Variants in NFATC2 observed in about 807,000 individuals in gnomAD.
The protein encoded by NFATC2 is nuclear factor of activated T-cells, cytoplasmic 2.
Under a neutral mutation model 87.3 loss-of-function variants are expected in NFATC2, and 22 were observed. The ratio of observed to expected loss-of-function variants is 0.25; its 90% CI spans 0.18 to 0.36. NFATC2 has a LOEUF of 0.36. Ranked by LOEUF, NFATC2 falls within the 10% of genes least tolerant of loss-of-function variation. NFATC2 has a pLI of 1.00. For missense variants in NFATC2, 1,149 were observed against 1,259.1 expected (o/e 0.91, Z 1.32); for synonymous variants, 565 against 542.2 (o/e 1.04, Z -0.58).
chr20:51,397,084 G>A (rs996929663), intron 10 of NFATC2, among the ~76,000 whole-genome samples: 2 of 151,504 alleles, frequency 1.3e-5, no homozygotes, highest in African/African-American at 2.4e-5. Flanking sequence ...GTAGTGACGG[G>A]GTTTCACCAT....
At chr20:51,398,983 C>G (rs1020447824) in intron 9 of NFATC2, 1 of 411,428 alleles carries the variant, frequency 2.4e-6, no homozygotes, top group African/African-American at 2.0e-5. Context: ...ATCAGGGGAG[C>G]GTGTTCAGGG....
chr20:51,470,239 A>T (rs999450680), intron 5 of NFATC2, among the ~76,000 whole-genome samples: 7 of 152,146 alleles, frequency 4.6e-5, no homozygotes, highest in Admixed American at 3.9e-4. Flanking sequence ...GGCAGCATTC[A>T]GAGGCTGGGA....
Position 51,523,266 on chromosome 20 carries a change from G to A in NFATC2, c.975C>T (p.Thr325=). ...PCGIPPKMWK[T]SPDPSPVSAA... The stretch of plus-strand genomic sequence containing the variant: ...CAGACACCGGCGAGGGGTCAGGGCT[G>A]GTCTTCCACATCTTGGGGGGGATCC... The change falls in exon 2 of 11, where the codon ACC becomes ACT. Residue 325 remains threonine, a synonymous_variant. Coordinates refer to ENST00000371564, the MANE Select transcript of NFATC2 (RefSeq NM_012340.5). The surrounding 1 kb of genome is among the most constrained non-coding windows in gnomAD (Gnocchi z 6.9). 1 of 1,613,804 alleles carries A rather than the reference G, an allele frequency of 6.2e-7. No individual in the cohort carries two copies. The highest frequency in any genetic ancestry group is 8.5e-7 in the Non-Finnish European group (1 of 1,179,822).
chr20:51,523,926 C>A lies in NFATC2; in HGVS notation c.315G>T (p.Gly105=). ...QKFLSAAKPA[G]ASGLSPRIEI... is the part of the protein sequence containing the mutation. ...CGATCCGAGGGCTCAGGCCCGAGGCCCCTGCTGGCTTGGCCGCGCTCAGAA... is the reference window on the plus strand; with the variant it reads ...CGATCCGAGGGCTCAGGCCCGAGGCACCTGCTGGCTTGGCCGCGCTCAGAA... The change falls in exon 2 of 11, where the codon GGG becomes GGT. Residue 105 remains glycine (G), a synonymous_variant. Transcript: ENST00000371564. This position sits in a 1 kb window ranked among gnomAD's most constrained non-coding sequence, Gnocchi z 6.9. 1 of 1,602,270 alleles carries A rather than the reference C, an allele frequency of 6.2e-7. No homozygotes were observed. The highest frequency in any genetic ancestry group is 1.1e-5 in the South Asian group (1 of 89,432).
At chr20:51,397,916 C>CTTCCTTCCTCAATGTCTCAT (rs1987431550) in intron 10 of NFATC2, among the ~76,000 whole-genome samples, 3 of 152,180 alleles carry the variant, frequency 2.0e-5, no homozygotes, top group Admixed American at 2.0e-4. Flanking sequence ...GTAATGCAAC[C>CTTCCTTCCTCAATGTCTCAT]TTCCTTCCTC....
intron 10 of NFATC2, among the ~76,000 whole-genome samples, chr20:51,398,107 A>G (rs1987470375): frequency 6.6e-6 from 1 of 151,842 alleles, no homozygotes; most frequent in African/African-American, 2.4e-5. Flanking sequence ...ACCAAGTAGC[A>G]GAATCCTGCG....
At chr20:51,417,990 G>A (rs758554979) in intron 9 of NFATC2, among the ~76,000 whole-genome samples, 14 of 152,278 alleles carry the variant, frequency 9.2e-5, no homozygotes, top group South Asian at 4.1e-4. Context: ...CACATGCCTC[G>A]CCCAAGGCCA....
At position 51,432,673 on chromosome 20, in the gene NFATC2, G is replaced by C. The variant is rs1323555506; in HGVS notation, c.2116C>G (p.Pro706Ala). Residue 706 changes from proline (P) to alanine (A), a missense_variant, in exon 9 of 11, where the codon CCT becomes GCT. Pro to Ala is a conservative substitution (Grantham distance 27, BLOSUM62 -1). This residue lies in a region of NFATC2 where 581 missense variants were observed against 649.7 expected (regional missense o/e 0.89). Transcript: ENST00000371564. This position sits in a 1 kb window ranked among gnomAD's most constrained non-coding sequence, Gnocchi z 4.6. ...SPTHGGLGSQ[P>A]YYPQHPMVAE... ...ACCATCGGGTGCTGGGGGTAGTAAGGCTGGCTCCCCAGGCCTCCATGGGTG... is the reference window on the plus strand; with the variant it reads ...ACCATCGGGTGCTGGGGGTAGTAAGCCTGGCTCCCCAGGCCTCCATGGGTG... 14 of 1,568,670 alleles carry C rather than the reference G, an allele frequency of 8.9e-6. No individual in the cohort carries two copies. Among genetic ancestry groups the C allele is most frequent in the Non-Finnish European group, 1.2e-5 (14 of 1,164,358 alleles).
chr20:51,521,295 CT>C (rs1235393601), intron 2 of NFATC2, among the ~76,000 whole-genome samples: 1 of 152,186 alleles, frequency 6.6e-6, no homozygotes, highest in Non-Finnish European at 1.5e-5. Context: ...AGAGCTCTAC[CT>C]TTATCTATTT....
chr20:51,418,950 CA>C (rs1980460057), intron 9 of NFATC2, among the ~76,000 whole-genome samples: 2 of 147,040 alleles, frequency 1.4e-5, no homozygotes, highest in African/African-American at 5.5e-5. Flanking sequence ...AGGCGTGAGC[CA>C]CCCCCACCGC....
At position 51,480,289 on chromosome 20, in the gene NFATC2, A is replaced by AAAT. The variant is rs1555803767; in HGVS notation, c.1333-4630_1333-4629insATT. ...GGTCACAAAGCAAGACTCTGTCTCA[A>AAAT]AAAAAATAGAATGTGCTTCCTGCCG... On this transcript the variant is annotated intron_variant, in intron 3 of 10. Transcript: ENST00000371564. The surrounding 1 kb of genome is among the most constrained non-coding windows in gnomAD (Gnocchi z 4.2). 5.3e-5 allele frequency among the ~76,000 whole-genome samples: 8 copies of AAAT among 151,578 alleles called. No homozygotes were observed. The highest frequency in any genetic ancestry group is 1.9e-4 in the East Asian group (1 of 5,176).
chr20:51,516,556 A>G (rs2076354396), intron 3 of NFATC2, among the ~76,000 whole-genome samples: 1 of 152,248 alleles, frequency 6.6e-6, no homozygotes, highest in Non-Finnish European at 1.5e-5. Flanking sequence ...ATCCGGGCAC[A>G]TGAATATCAT....
Position 51,448,870 on chromosome 20 carries a change from AATAAT to A in NFATC2, c.1849+5673_1849+5677del, listed in dbSNP as rs549937690. 2.6e-4 allele frequency among the ~76,000 whole-genome samples: 39 copies of A among 152,310 alleles called. 2 individuals carry two copies. The South Asian group carries it at 7.7e-3, about 30-fold the overall frequency. On this transcript the variant is annotated intron_variant, in intron 6 of 10. Transcript: ENST00000371564. ...AAAAATAATCAAAAATAGTAATACA[AATAAT>A]ATAATAATCATTATTATTATTGCTG...
intron 6 of NFATC2, among the ~76,000 whole-genome samples, chr20:51,443,410 G>A (rs6096433): frequency 1.4e-3 from 214 of 152,308 alleles, no homozygotes; most frequent in African/African-American, 4.6e-3. Flanking sequence ...ATCCTCCAGT[G>A]TGCACCCTAC....
Position 51,524,977 on chromosome 20 carries a change from C to T in NFATC2, c.131-867G>A, listed in dbSNP as rs958809810. ...GCTCACACCTGGAATCCCGGCACTTCGGGAGGCTGAGGCGGGCAGATCACT... is the reference window on the plus strand; with the variant it reads ...GCTCACACCTGGAATCCCGGCACTTTGGGAGGCTGAGGCGGGCAGATCACT... On this transcript the variant is annotated intron_variant, in intron 1 of 10. Coordinates refer to ENST00000371564, the MANE Select transcript of NFATC2 (RefSeq NM_012340.5). This position sits in a 1 kb window ranked among gnomAD's most constrained non-coding sequence, Gnocchi z 4.0. Among the ~76,000 whole-genome samples, 1 of 152,028 alleles carries T rather than the reference C, an allele frequency of 6.6e-6. No individual in the cohort carries two copies. Among genetic ancestry groups the T allele is most frequent in the Non-Finnish European group, 1.5e-5 (1 of 68,004 alleles).
In NFATC2 at chr20:51,388,982, C is replaced by T. The variant is rs1986053915; in HGVS notation, c.*2514G>A. 6.6e-6 allele frequency: 1 copy of T among 152,236 alleles called. No individual in the cohort carries two copies. Among genetic ancestry groups the T allele is most frequent in the Admixed American group, 6.5e-5 (1 of 15,282 alleles). 9.4% of individuals were successfully genotyped at this position (152,236 alleles called of 1,614,324 possible). On this transcript the variant is annotated 3_prime_UTR_variant, in exon 11 of 11. Coordinates refer to ENST00000371564, the MANE Select transcript of NFATC2 (RefSeq NM_012340.5). The stretch of plus-strand genomic sequence containing the variant: ...CTCCTAGCATTTGTAACTGACAAAA[C>T]TTCCTTGATAGCTGTCAGTTCCTAA...
Position 51,483,299 on chromosome 20 carries a change from C to T in NFATC2, c.1333-7639G>A, listed in dbSNP as rs147464394. ...GTGAGACTGATTTTCAAAATGGCAA[C>T]GGGCCAAACAGTTTTGAATTTTACT... On this transcript the variant is annotated intron_variant, in intron 3 of 10. Coordinates refer to ENST00000371564, the MANE Select transcript of NFATC2 (RefSeq NM_012340.5). Among the ~76,000 whole-genome samples, 12 of 152,184 alleles carry T rather than the reference C, an allele frequency of 7.9e-5. No individual in the cohort carries two copies. In the East Asian group the frequency reaches 1.9e-3, roughly 25 times the overall value.
chr20:51,412,557 C>T (rs960972741), intron 9 of NFATC2, among the ~76,000 whole-genome samples: 14 of 152,290 alleles, frequency 9.2e-5, no homozygotes, highest in Middle Eastern at 3.4e-3. Context: ...CCCCCAGAAA[C>T]AGCCTGTAAC....
At position 51,394,597 on chromosome 20, in the gene NFATC2, C is replaced by CCCCATAT. The variant is rs572435733; in HGVS notation, c.*45-3153_*45-3147dup. Among the ~76,000 whole-genome samples, 364 of 152,256 alleles carry CCCCATAT rather than the reference C, an allele frequency of 2.4e-3. 1 individual carries two copies. Among genetic ancestry groups the CCCCATAT allele is most frequent in the African/African-American group, 8.4e-3 (348 of 41,528 alleles). On this transcript the variant is annotated intron_variant, in intron 10 of 10. Transcript: ENST00000371564. ...CCTGCTGCGCTGATGCTCTCCTTCC[C>CCCCATAT]CCCATATCCCTTAGATGATGCCTTG...
Sources: allele counts gnomAD v4.1 joint callset (sites outside exome capture counted in the v4.1 genomes callset), GRCh38; gene constraint gnomAD v4.1.1; regional missense constraint gnomAD v4.1.1; non-coding constraint Gnocchi (gnomAD v3.1); transcripts MANE v1.5; gene names NCBI Gene and HGNC (gene_info 2026-07-23, HGNC 2026-07-21).